SUCLG2: variants seen among roughly 807,000 people sequenced by gnomAD.
SUCLG2 encodes the protein succinate--CoA ligase [GDP-forming] subunit beta, mitochondrial.
In SUCLG2, 42 loss-of-function variants were observed where a neutral mutation model predicts 47.9. The ratio of observed to expected loss-of-function variants is 0.88; its 90% CI spans 0.69 to 1.14. The LOEUF (loss-of-function observed/expected upper bound fraction) is 1.14. Ranked by LOEUF, SUCLG2 falls within the 50% of genes most tolerant of loss-of-function variation. The probability of loss-of-function intolerance (pLI) is 0.00; values close to 1 mark genes in which losing one functional copy is unlikely to be tolerated. For synonymous variants in SUCLG2, 195 were observed against 197.3 expected (o/e 0.99, Z 0.10); for missense variants, 571 against 525.9 (o/e 1.09, Z -0.84).
intron 10 of SUCLG2, among the ~76,000 whole-genome samples, chr3:67,395,153 A>G (rs1702492720): frequency 6.6e-6 from 1 of 152,058 alleles, no homozygotes; most frequent in Non-Finnish European, 1.5e-5. Flanking sequence ...TAATGACAGG[A>G]TCAAATTCAC....
chr3:67,633,191 AG>A (rs1176489785), intron 1 of SUCLG2, among the ~76,000 whole-genome samples: 3 of 152,216 alleles, frequency 2.0e-5, no homozygotes, highest in Admixed American at 6.5e-5. Flanking sequence ...AATGTTTTTA[AG>A]GTTATTCAAA....
intron 2 of SUCLG2, 71 bp downstream of exon 2, chr3:67,609,384 T>A: frequency 6.5e-7 from 1 of 1,529,526 alleles, no homozygotes. Flanking sequence ...AAAAATTAAC[T>A]AGTGGGAAGC....
At chr3:67,627,571 G>T (rs762806187) in intron 1 of SUCLG2, among the ~76,000 whole-genome samples, 2 of 152,162 alleles carry the variant, frequency 1.3e-5, no homozygotes, top group Admixed American at 6.5e-5. Flanking sequence ...ATTGCTCTGC[G>T]GGGCTGATAA....
At position 67,606,662 on chromosome 3, in the gene SUCLG2, A is replaced by AT. The variant is rs749339799; in HGVS notation, c.226+2792dup. Among the ~76,000 whole-genome samples the AT allele has an allele frequency of 6.6e-4, 101 of 152,252 alleles. 1 individual carries two copies. The Middle Eastern group carries it at 0.01, about 15-fold the overall frequency. ...CAGGTTTAGATCTTATTTTACTGGG[A>AT]TTTTTTCACAGTAAAAACCAATCTT... On this transcript the variant is annotated intron_variant, in intron 2 of 10. Coordinates refer to ENST00000307227, the MANE Select transcript of SUCLG2 (RefSeq NM_003848.4).
intron 9 of SUCLG2, among the ~76,000 whole-genome samples, chr3:67,467,339 A>G (rs1008636604): frequency 6.6e-6 from 1 of 152,252 alleles, no homozygotes; most frequent in African/African-American, 2.4e-5. Flanking sequence ...TCAGTTTCTC[A>G]CAATTTTCTT....
intron 1 of SUCLG2, among the ~76,000 whole-genome samples, chr3:67,612,654 A>C (rs1700550965): frequency 2.0e-5 from 3 of 152,162 alleles, no homozygotes; most frequent in Non-Finnish European, 4.4e-5. Flanking sequence ...CAAATCAAGA[A>C]ATATCCTCGG....
intron 9 of SUCLG2, among the ~76,000 whole-genome samples, chr3:67,404,617 T>C (rs1361145091): frequency 6.6e-6 from 1 of 152,010 alleles, no homozygotes; most frequent in Non-Finnish European, 1.5e-5. Context: ...CCACCCTGGG[T>C]GGTGAGAAGA....
intron 9 of SUCLG2, among the ~76,000 whole-genome samples, chr3:67,466,800 T>C (rs925638841): frequency 4.6e-5 from 7 of 152,172 alleles, no homozygotes; most frequent in Admixed American, 2.0e-4. Flanking sequence ...ACAAAATGGA[T>C]TGATTACTAT....
At position 67,628,650 on chromosome 3, in the gene SUCLG2, T is replaced by C. The variant is rs1261933024; in HGVS notation, c.85-19054A>G. Among the ~76,000 whole-genome samples the C allele has an allele frequency of 2.0e-5, 3 of 152,248 alleles. No homozygotes were observed. In the South Asian group the frequency reaches 6.2e-4, roughly 32 times the overall value. ...CCCATGCTGTTTTCATGATAGTAAG[T>C]CTCATGAGATCTGATGGTTTTATAA... On this transcript the variant is annotated intron_variant, in intron 1 of 10. Coordinates refer to ENST00000307227, the MANE Select transcript of SUCLG2 (RefSeq NM_003848.4).
intron 6 of SUCLG2, among the ~76,000 whole-genome samples, chr3:67,517,786 T>C (rs1705985970): frequency 6.6e-6 from 1 of 152,216 alleles, no homozygotes; most frequent in African/African-American, 2.4e-5. Flanking sequence ...ATTATTAATA[T>C]TAATACCATT....
chr3:67,654,076 A>G (rs1701336868), intron 1 of SUCLG2, among the ~76,000 whole-genome samples: 1 of 152,224 alleles, frequency 6.6e-6, no homozygotes, highest in Non-Finnish European at 1.5e-5. Context: ...ACGGGTTTCC[A>G]GGCATGTTTA....
chr3:67,421,450 C>T (rs916562158), intron 9 of SUCLG2, among the ~76,000 whole-genome samples: 11 of 152,204 alleles, frequency 7.2e-5, no homozygotes, highest in African/African-American at 1.9e-4. Flanking sequence ...TTCTAGTCTT[C>T]GCTCTGCCCT....
chr3:67,587,638 T>C (rs1235198815), intron 2 of SUCLG2, among the ~76,000 whole-genome samples: 1 of 152,196 alleles, frequency 6.6e-6, no homozygotes, highest in Non-Finnish European at 1.5e-5. Context: ...GTTTAATTTT[T>C]ATATTAAGAC....
At chr3:67,531,660 A>G (rs1177926844) in intron 2 of SUCLG2, among the ~76,000 whole-genome samples, 1 of 152,078 alleles carries the variant, frequency 6.6e-6, no homozygotes, top group Non-Finnish European at 1.5e-5. Flanking sequence ...TGCAACATAC[A>G]CCCCAGGCCA....
chr3:67,406,689 TG>T (rs1164807087), intron 9 of SUCLG2, among the ~76,000 whole-genome samples: 1 of 152,120 alleles, frequency 6.6e-6, no homozygotes, highest in African/African-American at 2.4e-5. Context: ...GGAAACAAGA[TG>T]GGCCCCCTCG....
intron 1 of SUCLG2, among the ~76,000 whole-genome samples, chr3:67,627,104 T>C (rs1024702056): frequency 1.3e-5 from 2 of 152,064 alleles, no homozygotes; most frequent in Admixed American, 1.3e-4. Context: ...TGGGGGGATT[T>C]CATGGTCAAA....
At chr3:67,452,926 T>A (rs1199701517) in intron 9 of SUCLG2, among the ~76,000 whole-genome samples, 2 of 152,224 alleles carry the variant, frequency 1.3e-5, no homozygotes, top group Non-Finnish European at 2.9e-5. Flanking sequence ...AACTGCATAA[T>A]CTCGCACGTT....
At chr3:67,366,613 C>G (rs752389266) in intron 10 of SUCLG2, among the ~76,000 whole-genome samples, 1 of 152,146 alleles carries the variant, frequency 6.6e-6, no homozygotes, top group Non-Finnish European at 1.5e-5. Flanking sequence ...GACAGTGGTC[C>G]TGAAGAGGTT....
intron 2 of SUCLG2, among the ~76,000 whole-genome samples, chr3:67,549,181 A>T (rs1304376588): frequency 1.3e-5 from 2 of 152,184 alleles, no homozygotes; most frequent in Non-Finnish European, 2.9e-5. Context: ...ATTTTCAACA[A>T]GGGATTGAAT....
Sources: gnomAD v4.1 joint callset for allele counts (sites outside exome capture counted in the v4.1 genomes callset) on GRCh38, gnomAD v4.1.1 for gene constraint, MANE v1.5 for transcripts, NCBI Gene and HGNC (gene_info 2026-07-23, HGNC 2026-07-21) for gene names.